CNBD1: variants seen among roughly 807,000 people sequenced by gnomAD.
CNBD1 encodes cyclic nucleotide binding domain containing 1, also known as cyclic nucleotide-binding domain-containing protein 1.
CNBD1 carries 71 observed loss-of-function variants against 54.4 expected under a neutral mutation model. The observed-to-expected ratio is 1.30, with a 90% CI of 1.08 to 1.59. The LOEUF (loss-of-function observed/expected upper bound fraction) is 1.59, where lower values mean the gene tolerates loss of function less well. Among genes scored for constraint, CNBD1 ranks in the 40% most tolerant of loss-of-function variants. The pLI is 0.00. For missense variants in CNBD1, 659 were observed against 518.0 expected, an observed-to-expected ratio of 1.27 and a Z score of -2.64; for synonymous variants, 182 against 170.7, an observed-to-expected ratio of 1.07 and a Z score of -0.51.
At chr8:86,969,817 CACACAT>C (rs1346879389) in intron 4 of CNBD1, among the ~76,000 whole-genome samples, 21 of 149,688 alleles carry the variant, frequency 1.4e-4, no homozygotes, top group African/African-American at 2.7e-4. Context: ...CACACACACA[CACACAT>C]ATATATAGTG....
intron 8 of CNBD1, among the ~76,000 whole-genome samples, chr8:87,336,501 G>T (rs916299511): frequency 6.6e-6 from 1 of 151,818 alleles, no homozygotes; most frequent in African/African-American, 2.4e-5. Context: ...ATTGATCCTT[G>T]TGTATGCTTC....
chr8:87,387,173 G>A (rs562757379), downstream of CNBD1, among the ~76,000 whole-genome samples: 593 of 152,232 alleles, frequency 3.9e-3, 8 homozygotes, highest in African/African-American at 0.013. Flanking sequence ...AAAGACTATC[G>A]AGGTTAGGAA....
At chr8:87,233,917 A>G (rs1807517410) in intron 5 of CNBD1, among the ~76,000 whole-genome samples, 1 of 152,192 alleles carries the variant, frequency 6.6e-6, no homozygotes, top group Admixed American at 6.6e-5. Flanking sequence ...AGTTCTCTCA[A>G]ACCCTGCCAA....
At chr8:86,947,732 G>A (rs12155730) in intron 4 of CNBD1, among the ~76,000 whole-genome samples, 39,575 of 151,908 alleles carry the variant, frequency 0.26, 5,462 homozygotes, top group East Asian at 0.38. Context: ...TGGGGTGTTC[G>A]TGCCCTCAGG....
chr8:87,375,429 C>T (rs927039778), intron 10 of CNBD1, among the ~76,000 whole-genome samples: 3 of 151,640 alleles, frequency 2.0e-5, no homozygotes, highest in Non-Finnish European at 2.9e-5. Flanking sequence ...TAAATGCCCA[C>T]CAAGAGTTAA....
chr8:87,286,920 G>C (rs1405743930), intron 8 of CNBD1, among the ~76,000 whole-genome samples: 3 of 152,046 alleles, frequency 2.0e-5, no homozygotes, highest in African/African-American at 7.2e-5. Context: ...CCCTTTAACT[G>C]TTCCGCACTT....
intron 4 of CNBD1, among the ~76,000 whole-genome samples, chr8:87,073,429 G>C (rs540527865): frequency 1.1e-4 from 16 of 152,188 alleles, no homozygotes; most frequent in African/African-American, 2.6e-4. Context: ...TCTTATCTTT[G>C]TGAGCTTATC....
intron 4 of CNBD1, among the ~76,000 whole-genome samples, chr8:87,064,087 T>G (rs1461969797): frequency 1.3e-5 from 2 of 151,972 alleles, no homozygotes; most frequent in African/African-American, 2.4e-5. Flanking sequence ...ATACCCTTTT[T>G]CCCCTAGCAT....
chr8:87,057,218 C>G (rs749291469), intron 4 of CNBD1, among the ~76,000 whole-genome samples: 5 of 152,144 alleles, frequency 3.3e-5, no homozygotes, highest in Non-Finnish European at 5.9e-5. Context: ...AATTGACTCA[C>G]TTCCACAGGG....
chr8:86,955,509 G>T (rs1039526951), intron 4 of CNBD1, among the ~76,000 whole-genome samples: 14 of 152,036 alleles, frequency 9.2e-5, no homozygotes, highest in Admixed American at 8.5e-4. Context: ...TTCCTGACTT[G>T]TTAATGATTG....
At chr8:86,924,688 A>G (rs1018449026) in intron 3 of CNBD1, among the ~76,000 whole-genome samples, 2 of 152,184 alleles carry the variant, frequency 1.3e-5, no homozygotes, top group Non-Finnish European at 2.9e-5. Flanking sequence ...ATGGAACATG[A>G]TATTTGATGA....
chr8:87,407,777 A>G (rs1196541736), intron 2 of CNBD1, among the ~76,000 whole-genome samples: 1 of 151,990 alleles, frequency 6.6e-6, no homozygotes. Context: ...AAATACATGT[A>G]TTTGTATTAT....
At chr8:86,887,441 A>G in intron 1 of CNBD1, 101 bp from the exon 2 acceptor site, 1 of 721,932 alleles carries the variant, frequency 1.4e-6, no homozygotes, top group Non-Finnish European at 2.4e-6. Context: ...TAGTCACTGA[A>G]TTCTTTCACT....
Position 87,278,439 on chromosome 8 carries a change from A to T in CNBD1, c.772-6239A>T, listed in dbSNP as rs530809000. On this transcript the variant is annotated intron_variant, in intron 6 of 10. Transcript: ENST00000518476. Reference sequence around the variant, plus strand: ...AAAAGTCAAAGTAGACAAAAAAGAAACACACTCCAAGGTAAATTTTAATGA... The same window carrying T: ...AAAAGTCAAAGTAGACAAAAAAGAATCACACTCCAAGGTAAATTTTAATGA... 3.3e-5 allele frequency among the ~76,000 whole-genome samples: 5 copies of T among 151,770 alleles called. No individual in the cohort carries two copies. The East Asian group carries it at 9.7e-4, about 29-fold the overall frequency.
At chr8:86,971,708 T>C (rs1808222892) in intron 4 of CNBD1, among the ~76,000 whole-genome samples, 2 of 152,030 alleles carry the variant, frequency 1.3e-5, no homozygotes, top group South Asian at 4.1e-4. Context: ...TTTGTGAATA[T>C]TTTGTGAATA....
At chr8:87,223,524 G>C (rs1420720467) in intron 5 of CNBD1, among the ~76,000 whole-genome samples, 1 of 151,958 alleles carries the variant, frequency 6.6e-6, no homozygotes, top group Non-Finnish European at 1.5e-5. Context: ...AGTTTACTGA[G>C]AATGATGGTT....
At chr8:87,047,092 C>T (rs1246221654) in intron 4 of CNBD1, among the ~76,000 whole-genome samples, 1 of 152,024 alleles carries the variant, frequency 6.6e-6, no homozygotes, top group Admixed American at 6.5e-5. Flanking sequence ...TTTTTTTACC[C>T]TCCAGACCTC....
chr8:86,900,196 ATAAGGTATGTTC>A (rs1375489539), intron 2 of CNBD1, among the ~76,000 whole-genome samples: 1 of 152,180 alleles, frequency 6.6e-6, no homozygotes, highest in Non-Finnish European at 1.5e-5. Context: ...ATGTGTGCGT[ATAAGGTATGTTC>A]TAAGGTATAA....
intron 4 of CNBD1, among the ~76,000 whole-genome samples, chr8:86,957,787 G>T (rs1807817023): frequency 6.6e-6 from 1 of 151,934 alleles, no homozygotes; most frequent in South Asian, 2.1e-4. Context: ...CCAGCTCTGG[G>T]TTCATCGATT....
Sources: gnomAD v4.1 joint callset for allele counts (sites outside exome capture counted in the v4.1 genomes callset) on GRCh38, gnomAD v4.1.1 for gene constraint, MANE v1.5 for transcripts, NCBI Gene and HGNC (gene_info 2026-07-23, HGNC 2026-07-21) for gene names.